The following MCTP2 variants were observed in gnomAD, a reference collection of about 807,000 sequenced individuals.
MCTP2 encodes the protein multiple C2 and transmembrane domain containing 2, also known as multiple C2 and transmembrane domain-containing protein 2.
In MCTP2, 132 loss-of-function variants were observed where a neutral mutation model predicts 111.6. That is an observed-to-expected ratio of 1.18 (90% confidence interval 1.03 to 1.37). MCTP2 has a LOEUF of 1.37. Ranked by LOEUF, MCTP2 falls within the 40% of genes most tolerant of loss-of-function variation. The probability of loss-of-function intolerance (pLI) is 0.00; values close to 1 mark genes in which losing one functional copy is unlikely to be tolerated. For synonymous variants in MCTP2, 395 were observed against 387.7 expected, an observed-to-expected ratio of 1.02 and a Z score of -0.22; for missense variants, 1,183 against 1,067.9, an observed-to-expected ratio of 1.11 and a Z score of -1.50.
At chr15:94,357,182 A>G (rs1021784384) in intron 9 of MCTP2, among the ~76,000 whole-genome samples, 1 of 152,226 alleles carries the variant, frequency 6.6e-6, no homozygotes, top group Non-Finnish European at 1.5e-5. Context: ...CACAATTTTC[A>G]GTACAGAATC....
chr15:94,430,695 T>C (rs577646892), intron 17 of MCTP2, among the ~76,000 whole-genome samples: 1 of 151,644 alleles, frequency 6.6e-6, no homozygotes, highest in East Asian at 1.9e-4. Context: ...TTGCAGTGAG[T>C]GAGCTGAGGT....
intron 17 of MCTP2, among the ~76,000 whole-genome samples, chr15:94,418,384 A>AT (rs899263005): frequency 1.3e-5 from 2 of 152,044 alleles, no homozygotes; most frequent in Non-Finnish European, 2.9e-5. Flanking sequence ...ATGTGTGAAG[A>AT]TTTTTTCTCC....
intron 20 of MCTP2, among the ~76,000 whole-genome samples, chr15:94,460,069 A>G (rs1396721003): frequency 6.6e-6 from 1 of 152,184 alleles, no homozygotes; most frequent in African/African-American, 2.4e-5. Context: ...CTACACTATA[A>G]TGTCATTACC....
chr15:94,374,503 A>G (rs1239819091), intron 12 of MCTP2, among the ~76,000 whole-genome samples: 1 of 152,214 alleles, frequency 6.6e-6, no homozygotes, highest in Non-Finnish European at 1.5e-5. Flanking sequence ...CATGGCCACC[A>G]CTGGCATGAT....
At chr15:94,240,067 T>G (rs1404254588) in intron 1 of MCTP2, among the ~76,000 whole-genome samples, 1 of 42,390 alleles carries the variant, frequency 2.4e-5, no homozygotes, top group Non-Finnish European at 5.2e-5. Flanking sequence ...TCATTGGTAG[T>G]TTTTTTTTTG....
chr15:94,321,014 C>A (rs1310320615), intron 4 of MCTP2, among the ~76,000 whole-genome samples: 1 of 152,098 alleles, frequency 6.6e-6, no homozygotes, highest in Non-Finnish European at 1.5e-5. Context: ...AAAAGTAAAA[C>A]AATATGGATG....
intron 14 of MCTP2, among the ~76,000 whole-genome samples, chr15:94,390,100 A>ATGTATATATATATATGTATATATATATG (rs1410264046): frequency 1.2e-5 from 1 of 82,570 alleles, no homozygotes; most frequent in Admixed American, 1.2e-4. Flanking sequence ...GTATATATAT[A>ATGTATATATATATATGTATATATATATG]TATATATATA....
chr15:94,337,687 G>A (rs1047105591), intron 4 of MCTP2, among the ~76,000 whole-genome samples: 5 of 152,130 alleles, frequency 3.3e-5, no homozygotes, highest in Admixed American at 6.5e-5. Flanking sequence ...GTGTGTGTGC[G>A]CGCGCATGCA....
At chr15:94,336,776 T>C (rs528347178) in intron 4 of MCTP2, among the ~76,000 whole-genome samples, 3 of 152,130 alleles carry the variant, frequency 2.0e-5, no homozygotes, top group African/African-American at 7.2e-5. Flanking sequence ...TATGTATATA[T>C]GTACTGCTGT....
chr15:94,475,450 T>G (rs767875284), intron 21 of MCTP2, among the ~76,000 whole-genome samples: 1 of 152,166 alleles, frequency 6.6e-6, no homozygotes, highest in Non-Finnish European at 1.5e-5. Flanking sequence ...AGTCCTCAGA[T>G]GAAAGCAAAA....
At chr15:94,382,696 G>T (rs1321833659) in intron 12 of MCTP2, among the ~76,000 whole-genome samples, 1 of 152,262 alleles carries the variant, frequency 6.6e-6, no homozygotes, top group Admixed American at 6.5e-5. Context: ...AGCAGGTCAA[G>T]AGGCCTGAGC....
chr15:94,412,746 T>C (rs146460106), intron 17 of MCTP2, among the ~76,000 whole-genome samples: 178 of 152,302 alleles, frequency 1.2e-3, no homozygotes, highest in African/African-American at 4.0e-3. Context: ...GCTAGGTACA[T>C]GCAATTATAA....
intron 16 of MCTP2, among the ~76,000 whole-genome samples, chr15:94,400,264 A>T (rs947515483): frequency 2.6e-5 from 4 of 152,154 alleles, no homozygotes; most frequent in African/African-American, 9.7e-5. Context: ...CTCCTGATTC[A>T]TTGTATAAAC....
intron 1 of MCTP2, among the ~76,000 whole-genome samples, chr15:94,233,358 AT>A (rs1362782445): frequency 6.6e-6 from 1 of 152,136 alleles, no homozygotes; most frequent in Non-Finnish European, 1.5e-5. Flanking sequence ...GAAAGGCCTG[AT>A]ATATCCAAAC....
chr15:94,316,342 A>G (rs1225780035), intron 4 of MCTP2, among the ~76,000 whole-genome samples: 12 of 152,160 alleles, frequency 7.9e-5, no homozygotes, highest in Admixed American at 7.9e-4. Flanking sequence ...TGATGCTGTA[A>G]TGAACATATT....
chr15:94,264,534 G>C (rs926210052), intron 1 of MCTP2, among the ~76,000 whole-genome samples: 1 of 151,998 alleles, frequency 6.6e-6, no homozygotes. Context: ...GCGTGAACCC[G>C]GAAGGCAGAG....
chr15:94,261,971 G>A (rs1405878124), intron 1 of MCTP2, among the ~76,000 whole-genome samples: 3 of 152,038 alleles, frequency 2.0e-5, no homozygotes, highest in Admixed American at 1.3e-4. Flanking sequence ...TTAATTTCTT[G>A]TATATTGCAA....
chr15:94,298,212 G>GTTA lies in MCTP2; in HGVS notation c.-52_-51insATT. 2 of 1,331,368 alleles carry GTTA rather than the reference G, an allele frequency of 1.5e-6. 1 individual carries two copies. The highest frequency in any genetic ancestry group is 3.0e-5 in the South Asian group (2 of 67,456). 82.5% of individuals were successfully genotyped at this position (1,331,368 alleles called of 1,614,324 possible). A position where few individuals can be genotyped will look rare whatever the true frequency, so the allele number is the denominator to read the frequency against. ...TTTCTGTTTTATAGGAGTCATTGCA[G>GTTA]TTTTCAGTAGAGGTGTACTTCTGAG... On this transcript the variant is annotated 5_prime_UTR_variant, in exon 2 of 23. Coordinates refer to ENST00000357742, the MANE Select transcript of MCTP2 (RefSeq NM_001385001.1).
intron 1 of MCTP2, among the ~76,000 whole-genome samples, chr15:94,244,613 T>C (rs1201160096): frequency 6.7e-6 from 1 of 148,630 alleles, no homozygotes; most frequent in Non-Finnish European, 1.5e-5. Flanking sequence ...TATACGTATA[T>C]GTATACACAT....
Sources: gnomAD v4.1 joint callset for allele counts (sites outside exome capture counted in the v4.1 genomes callset) on GRCh38, gnomAD v4.1.1 for gene constraint, MANE v1.5 for transcripts, NCBI Gene and HGNC (gene_info 2026-07-23, HGNC 2026-07-21) for gene names.